Variants in LAMA2 observed in about 807,000 individuals in gnomAD.
The protein encoded by LAMA2 is laminin subunit alpha-2.
In LAMA2, 269 loss-of-function variants were observed where a neutral mutation model predicts 364.8. The ratio of observed to expected loss-of-function variants is 0.74; its 90% confidence interval spans 0.67 to 0.82. The LOEUF is 0.82. Ranked by LOEUF, LAMA2 falls within the 40% of genes least tolerant of loss-of-function variation. The pLI is 0.00. For missense variants in LAMA2, 3,807 were observed against 3,873.2 expected (o/e 0.98, Z 0.45); for synonymous variants, 1,379 against 1,370.6 (o/e 1.01, Z -0.14).
chr6:129,377,865 A>G (rs1303691778), intron 34 of LAMA2, among the ~76,000 whole-genome samples: 1 of 152,210 alleles, frequency 6.6e-6, no homozygotes, highest in Non-Finnish European at 1.5e-5. Flanking sequence ...GCAGGAAAGT[A>G]ACAGCTACAT....
At chr6:129,028,089 A>G (rs1305872451) in intron 1 of LAMA2, among the ~76,000 whole-genome samples, 1 of 151,908 alleles carries the variant, frequency 6.6e-6, no homozygotes, top group African/African-American at 2.4e-5. Flanking sequence ...ACAGGTGGCG[A>G]AAAATGTGAA....
chr6:129,126,349 G>C (rs1359475018), intron 4 of LAMA2, among the ~76,000 whole-genome samples: 1 of 152,160 alleles, frequency 6.6e-6, no homozygotes, highest in African/African-American at 2.4e-5. Flanking sequence ...CAAATATCCA[G>C]ATAGTAATAA....
At chr6:128,913,064 A>G (rs13214641) in intron 1 of LAMA2, among the ~76,000 whole-genome samples, 10,648 of 152,254 alleles carry the variant, frequency 0.07, 456 homozygotes, top group South Asian at 0.12. Flanking sequence ...TTACTTTGTG[A>G]TGAGAGAAAA....
intron 4 of LAMA2, among the ~76,000 whole-genome samples, chr6:129,125,021 G>A (rs1012810584): frequency 1.1e-4 from 17 of 152,274 alleles, no homozygotes; most frequent in Admixed American, 8.5e-4. Flanking sequence ...AGTGAGAAGT[G>A]GCGGAATAGA....
At chr6:129,429,415 G>T (rs942640112) in intron 41 of LAMA2, among the ~76,000 whole-genome samples, 1 of 152,152 alleles carries the variant, frequency 6.6e-6, no homozygotes, top group Non-Finnish European at 1.5e-5. Flanking sequence ...AATAAATGGT[G>T]TTGGCTTATC....
At chr6:129,148,167 G>A (rs985745773) in intron 6 of LAMA2, among the ~76,000 whole-genome samples, 4 of 151,954 alleles carry the variant, frequency 2.6e-5, no homozygotes, top group African/African-American at 4.8e-5. Flanking sequence ...AGAATACTAC[G>A]CTGCCATAAA....
chr6:128,913,979 C>T (rs1451086025), intron 1 of LAMA2, among the ~76,000 whole-genome samples: 1 of 150,814 alleles, frequency 6.6e-6, no homozygotes, highest in East Asian at 1.9e-4. Flanking sequence ...CAAACCCAGG[C>T]AAAAATTAGA....
chr6:129,180,059 GAAAAGACACTTAGTGTAGTGTAT>G (rs1780840071), intron 10 of LAMA2, among the ~76,000 whole-genome samples: 5 of 151,576 alleles, frequency 3.3e-5, no homozygotes, highest in Admixed American at 2.6e-4. Context: ...TTTAAATACT[GAAAAGACACTTAGTGTAGTGTAT>G]TTAAATACTG....
intron 1 of LAMA2, among the ~76,000 whole-genome samples, chr6:128,890,205 A>G (rs1048551834): frequency 6.6e-6 from 1 of 152,210 alleles, no homozygotes; most frequent in African/African-American, 2.4e-5. Flanking sequence ...CATTGTGAGC[A>G]TTAACACATT....
chr6:129,121,381 G>T (rs1776798017), intron 4 of LAMA2, among the ~76,000 whole-genome samples: 1 of 152,144 alleles, frequency 6.6e-6, no homozygotes, highest in Non-Finnish European at 1.5e-5. Flanking sequence ...CTCTCTTGAT[G>T]CTGTTGTTTA....
At chr6:129,453,204 A>G in intron 46 of LAMA2, 73 bp downstream of exon 46, 1 of 1,371,236 alleles carries the variant, frequency 7.3e-7, no homozygotes, top group Non-Finnish European at 1.0e-6. Flanking sequence ...AAATGTATAG[A>G]ATCCCCAAAT....
chr6:129,149,261 A>G (rs1242170886), intron 7 of LAMA2, among the ~76,000 whole-genome samples, 165 bp downstream of exon 7: 1 of 152,160 alleles, frequency 6.6e-6, no homozygotes, highest in Non-Finnish European at 1.5e-5. Context: ...CTAAAGGGAA[A>G]TATCTAAGAA....
In LAMA2 at chr6:129,139,197, A is replaced by G. The variant is rs140709565; in HGVS notation, c.640-4704A>G. Among the ~76,000 whole-genome samples, 6 of 152,126 alleles carry G rather than the reference A, an allele frequency of 3.9e-5. No individual in the cohort carries two copies. In the East Asian group the frequency reaches 1.2e-3, roughly 29 times the overall value. On this transcript the variant is annotated intron_variant, in intron 4 of 64. Coordinates refer to ENST00000421865, the MANE Select transcript of LAMA2 (RefSeq NM_000426.4). ...ATCCAGAGCCAGACTCAGAGCCTTT[A>G]CTCTGTGCTAGAAACACAATGACCA...
intron 12 of LAMA2, among the ~76,000 whole-genome samples, chr6:129,249,864 CA>C (rs1324443838): frequency 6.6e-6 from 1 of 152,126 alleles, no homozygotes; most frequent in Non-Finnish European, 1.5e-5. Context: ...CCTATTTCAG[CA>C]AGCCTGCAAT....
At chr6:129,162,258 T>C (rs1209600980) in intron 8 of LAMA2, among the ~76,000 whole-genome samples, 1 of 152,226 alleles carries the variant, frequency 6.6e-6, no homozygotes. Flanking sequence ...TTTTGGACTA[T>C]TGTTTTCATA....
intron 12 of LAMA2, among the ~76,000 whole-genome samples, chr6:129,214,148 A>G (rs958472111): frequency 6.6e-6 from 1 of 152,184 alleles, no homozygotes; most frequent in Non-Finnish European, 1.5e-5. Context: ...AGTTCTATTT[A>G]GCTTGTGATC....
chr6:129,417,872 G>A (rs76760190), intron 40 of LAMA2, among the ~76,000 whole-genome samples: 52 of 152,286 alleles, frequency 3.4e-4, no homozygotes, highest in East Asian at 2.3e-3. Flanking sequence ...CCTGGGTGCC[G>A]GGAACAGTGA....
chr6:129,143,534 T>C (rs2114958076), intron 4 of LAMA2, among the ~76,000 whole-genome samples: 1 of 152,130 alleles, frequency 6.6e-6, no homozygotes, highest in Admixed American at 6.6e-5. Flanking sequence ...TTTTCTGGTT[T>C]CCCACCATAC....
chr6:129,112,490 C>A (rs1228013229), intron 4 of LAMA2, among the ~76,000 whole-genome samples: 1 of 151,870 alleles, frequency 6.6e-6, no homozygotes, highest in African/African-American at 2.4e-5. Context: ...TTCAGTTCAA[C>A]CACCAAACGA....
Sources: gnomAD v4.1 joint callset for allele counts (sites outside exome capture counted in the v4.1 genomes callset) on GRCh38, gnomAD v4.1.1 for gene constraint, MANE v1.5 for transcripts, NCBI Gene and HGNC (gene_info 2026-07-23, HGNC 2026-07-21) for gene names.